The following FADS3 variants were observed in gnomAD, a reference collection of about 807,000 sequenced individuals.
FADS3 encodes the protein fatty acid desaturase 3.
Under a neutral mutation model 60.4 loss-of-function variants are expected in FADS3, and 30 were observed. The ratio of observed to expected loss-of-function variants is 0.50; its 90% confidence interval spans 0.37 to 0.67. The LOEUF (loss-of-function observed/expected upper bound fraction) is 0.67. FADS3 is among the 30% of genes least tolerant of loss of function. The pLI is 0.00. For synonymous variants in FADS3, 234 were observed against 249.3 expected, an observed-to-expected ratio of 0.94 and a Z score of 0.58; for missense variants, 432 against 598.3, an observed-to-expected ratio of 0.72 and a Z score of 2.90.
At position 61,879,975 on chromosome 11, in the gene FADS3, T is replaced by C. The variant is rs1938067650; in HGVS notation, c.324+66A>G. The stretch of plus-strand genomic sequence containing the variant: ...GGAGCTGCTCCTGGCCATGTGGCAA[T>C]GTCTCCCAGCCCTCCAGCCATCCCC... On this transcript the variant is annotated intron_variant, in intron 2 of 11. Transcript: ENST00000278829. 3 of 1,347,722 alleles carry C rather than the reference T, an allele frequency of 2.2e-6. No individual in the cohort carries two copies. In the African/African-American group the frequency reaches 4.3e-5, roughly 20 times the overall value. 83.5% of individuals were successfully genotyped at this position (1,347,722 alleles called of 1,614,324 possible). A position where few individuals can be genotyped will look rare whatever the true frequency, so the allele number is the denominator to read the frequency against.
At chr11:61,875,633 T>C (rs990201953) in intron 11 of FADS3, among the ~76,000 whole-genome samples, 3 of 152,224 alleles carry the variant, frequency 2.0e-5, no homozygotes, top group South Asian at 2.1e-4. Context: ...TAGGTTTGCA[T>C]AGACCTGCTC....
chr11:61,886,304 A>G (rs1938315737), intron 1 of FADS3: 1 of 152,298 alleles, frequency 6.6e-6, no homozygotes, highest in Non-Finnish European at 1.5e-5. Context: ...AACCCGCAGG[A>G]AGAGACCGGG....
intron 11 of FADS3, among the ~76,000 whole-genome samples, chr11:61,874,987 T>C (rs1937814252): frequency 6.6e-6 from 1 of 152,216 alleles, no homozygotes; most frequent in African/African-American, 2.4e-5. Context: ...ACAAGGGCAA[T>C]GCCATCTTCA....
chr11:61,888,587 C>T (rs1449964848), intron 1 of FADS3, among the ~76,000 whole-genome samples: 30 of 152,184 alleles, frequency 2.0e-4, no homozygotes, highest in African/African-American at 6.5e-4. Context: ...CAGATAGGAC[C>T]GTAACCAAAT....
At chr11:61,890,574 A>C (rs1938470016) in intron 1 of FADS3, among the ~76,000 whole-genome samples, 1 of 152,020 alleles carries the variant, frequency 6.6e-6, no homozygotes, top group African/African-American at 2.4e-5. Context: ...TGGGATTGGG[A>C]AGTTGGGGTC....
chr11:61,879,306 G>A lies in FADS3; in HGVS notation c.522+6C>T. 3 of 1,551,402 alleles carry A rather than the reference G, an allele frequency of 1.9e-6. No individual in the cohort carries two copies. Among genetic ancestry groups the A allele is most frequent in the Non-Finnish European group, 2.6e-6 (3 of 1,147,486 alleles). On this transcript the variant is annotated splice_donor_region_variant and intron_variant, in intron 3 of 11. Transcript: ENST00000278829. Reference sequence around the variant, plus strand: ...TAAGGTGGCTGCAACACAGAACTGGGGTCACCTGAGAGATGGCCAGGATGA... The same window carrying A: ...TAAGGTGGCTGCAACACAGAACTGGAGTCACCTGAGAGATGGCCAGGATGA...
At position 61,877,626 on chromosome 11, in the gene FADS3, G is replaced by A. The variant is rs959565252; in HGVS notation, c.809-39C>T. On this transcript the variant is annotated intron_variant, in intron 6 of 11. Transcript: ENST00000278829. The surrounding 1 kb of genome is among the most constrained non-coding windows in gnomAD (Gnocchi z 4.7). Reference sequence around the variant, plus strand: ...CATGAGAGTGTTCAGGAGTGGGGCTGGGCTGCCAAGGTGAGTGGGCGCCAG... The same window carrying A: ...CATGAGAGTGTTCAGGAGTGGGGCTAGGCTGCCAAGGTGAGTGGGCGCCAG... The A allele has an allele frequency of 8.2e-6, 13 of 1,593,684 alleles. No individual in the cohort carries two copies. The highest frequency in any genetic ancestry group is 1.3e-5 in the African/African-American group (1 of 74,480).
chr11:61,877,691 T>C lies in FADS3; in HGVS notation c.809-104A>G, dbSNP rs983377696. ...TTACTCCAGGAATGCCCCTGGGACG[T>C]TGGTGCTGGTCACATCCAGCTGAAT... On this transcript the variant is annotated intron_variant, in intron 6 of 11. Transcript: ENST00000278829. The surrounding 1 kb of genome is among the most constrained non-coding windows in gnomAD (Gnocchi z 4.7). The C allele has an allele frequency of 3.8e-6, 4 of 1,045,774 alleles. No individual in the cohort carries two copies. Among genetic ancestry groups the C allele is most frequent in the East Asian group, 2.6e-5 (1 of 38,592 alleles). 64.8% of individuals were successfully genotyped at this position (1,045,774 alleles called of 1,614,324 possible).
chr11:61,879,183 G>T, intron 3 of FADS3, 129 bp downstream of exon 3: 1 of 863,242 alleles, frequency 1.2e-6, no homozygotes, highest in East Asian at 2.7e-5. Flanking sequence ...TCATTCATCT[G>T]TTTATTCATC....
chr11:61,885,320 C>A (rs930871978), intron 1 of FADS3, among the ~76,000 whole-genome samples: 2 of 152,236 alleles, frequency 1.3e-5, no homozygotes. Context: ...CAAGACCACA[C>A]CCATCTCTCA....
At chr11:61,882,752 C>G (rs941511288) in intron 1 of FADS3, among the ~76,000 whole-genome samples, 1 of 152,066 alleles carries the variant, frequency 6.6e-6, no homozygotes, top group Non-Finnish European at 1.5e-5. Flanking sequence ...TTTTTTGAGA[C>G]AGAGTCTTGC....
At chr11:61,886,973 A>G (rs138915012) in intron 1 of FADS3, among the ~76,000 whole-genome samples, 1 of 152,312 alleles carries the variant, frequency 6.6e-6, no homozygotes, top group Non-Finnish European at 1.5e-5. Flanking sequence ...TTAGGGCTTC[A>G]GCCGAAAGGG....
rs531276544 is a variant in FADS3, at chr11:61,873,878, G to C, written c.1287-13C>G. 14 of 1,588,920 alleles carry C rather than the reference G, an allele frequency of 8.8e-6. No individual in the cohort carries two copies. Among genetic ancestry groups the C allele is most frequent in the Middle Eastern group, 1.7e-4 (1 of 5,916 alleles). ...CTTCTTCAGGGACCTGGGAGGTGGGGGTGGCAGTGGGGGTGGGTGTTAGGA... is the reference window on the plus strand; with the variant it reads ...CTTCTTCAGGGACCTGGGAGGTGGGCGTGGCAGTGGGGGTGGGTGTTAGGA... On this transcript the variant is annotated splice_polypyrimidine_tract_variant and intron_variant, in intron 11 of 11. Coordinates refer to ENST00000278829, the MANE Select transcript of FADS3 (RefSeq NM_021727.5).
upstream of FADS3, chr11:61,891,579 C>G (rs1023447845): frequency 2.1e-5 from 5 of 236,742 alleles, no homozygotes; most frequent in Non-Finnish European, 3.9e-5. Flanking sequence ...TATAACCGCG[C>G]GGACGGCGCC....
rs1317130500 is a variant in FADS3 at position 61,876,934 on chromosome 11, G to T, written c.915C>A (p.Ala305=). ...ADLLWAASFY[A]RFFLSYLPFY... Reference sequence around the variant, plus strand: ...AGGGGAGGTAGGATAAGAAGAAGCGGGCATAGAAGCTGGCGGCCCAGAGCA... The same window carrying T: ...AGGGGAGGTAGGATAAGAAGAAGCGTGCATAGAAGCTGGCGGCCCAGAGCA... Residue 305 remains alanine, a synonymous_variant, in exon 8 of 12, where the codon GCC becomes GCA. Coordinates refer to ENST00000278829, the MANE Select transcript of FADS3 (RefSeq NM_021727.5). The surrounding 1 kb of genome is among the most constrained non-coding windows in gnomAD (Gnocchi z 5.7). 3 of 1,608,048 alleles carry T rather than the reference G, an allele frequency of 1.9e-6. No homozygotes were observed. Among genetic ancestry groups the T allele is most frequent in the Non-Finnish European group, 2.5e-6 (3 of 1,178,178 alleles).
intron 11 of FADS3, 125 bp from the exon 12 acceptor site, chr11:61,873,990 G>A: frequency 1.6e-6 from 1 of 636,684 alleles, no homozygotes; most frequent in Non-Finnish European, 2.8e-6. Context: ...CCTTCCCTGG[G>A]GGCAGGCAGC....
At chr11:61,886,634 C>T (rs1198807361) in intron 1 of FADS3, among the ~76,000 whole-genome samples, 3 of 152,088 alleles carry the variant, frequency 2.0e-5, no homozygotes, top group Non-Finnish European at 4.4e-5. Flanking sequence ...CCTCGTGGCC[C>T]GAGTACAAAG....
Position 61,877,285 on chromosome 11 carries a change from C to T in FADS3, c.885+226G>A. On this transcript the variant is annotated intron_variant, in intron 7 of 11. Coordinates refer to ENST00000278829, the MANE Select transcript of FADS3 (RefSeq NM_021727.5). This position sits in a 1 kb window ranked among gnomAD's most constrained non-coding sequence, Gnocchi z 4.7. ...ACACCCTCACCGAGAGAGACCCACACCCCCCCTGTTCCTCAACCCCCCCCC... is the reference window on the plus strand; with the variant it reads ...ACACCCTCACCGAGAGAGACCCACATCCCCCCTGTTCCTCAACCCCCCCCC... 2 of 257,662 alleles carry T rather than the reference C, an allele frequency of 7.8e-6. No homozygotes were observed. Among genetic ancestry groups the T allele is most frequent in the Non-Finnish European group, 7.3e-6 (1 of 137,748 alleles). The allele number at this position is 257,662 out of a possible 1,614,324, so 16.0% of individuals were successfully genotyped here. A position where few individuals can be genotyped will look rare whatever the true frequency, so the allele number is the denominator to read the frequency against.
At chr11:61,888,216 A>G (rs555393390) in intron 1 of FADS3, among the ~76,000 whole-genome samples, 1 of 152,194 alleles carries the variant, frequency 6.6e-6, no homozygotes, top group South Asian at 2.1e-4. Context: ...TGGCACAGAA[A>G]CTCTGGGAAT....
Sources: allele counts gnomAD v4.1 joint callset (sites outside exome capture counted in the v4.1 genomes callset), GRCh38; gene constraint gnomAD v4.1.1; non-coding constraint Gnocchi (gnomAD v3.1); transcripts MANE v1.5; gene names NCBI Gene and HGNC (gene_info 2026-07-23, HGNC 2026-07-21).